The following FOCAD variants were observed in gnomAD, a reference collection of about 807,000 sequenced individuals.
FOCAD encodes the protein focadhesin.
In FOCAD, 198 loss-of-function variants were observed where a neutral mutation model predicts 225.6. The observed-to-expected ratio is 0.88, with a 90% CI of 0.78 to 0.99. The LOEUF is 0.99. FOCAD is among the 50% of genes least tolerant of loss of function. FOCAD has a pLI of 0.00. For missense variants in FOCAD, 2,713 were observed against 2,123.6 expected (o/e 1.28, Z -5.46); for synonymous variants, 897 against 755.0 (o/e 1.19, Z -3.08).
At chr9:20,688,390 G>A (rs1347478369) in intron 1 of FOCAD, among the ~76,000 whole-genome samples, 1 of 152,178 alleles carries the variant, frequency 6.6e-6, no homozygotes, top group Non-Finnish European at 1.5e-5. Context: ...TACCTCCTAG[G>A]TTTATGACTT....
intron 5 of FOCAD, among the ~76,000 whole-genome samples, chr9:20,746,071 C>T (rs1828010821): frequency 6.6e-6 from 1 of 152,040 alleles, no homozygotes; most frequent in African/African-American, 2.4e-5. Context: ...TTAAGGCCAT[C>T]AAATAAAGAA....
chr9:20,851,372 C>A (rs773846269), intron 15 of FOCAD, among the ~76,000 whole-genome samples: 5 of 151,646 alleles, frequency 3.3e-5, no homozygotes, highest in African/African-American at 4.8e-5. Context: ...TGACTTTTAT[C>A]TTCATGCCTC....
chr9:20,966,478 T>G (rs1839265130), intron 35 of FOCAD, among the ~76,000 whole-genome samples: 1 of 152,152 alleles, frequency 6.6e-6, no homozygotes. Context: ...TTGTCTTTCA[T>G]TTACTTGATA....
At chr9:20,860,576 G>C (rs952769712) in intron 15 of FOCAD, among the ~76,000 whole-genome samples, 1 of 152,138 alleles carries the variant, frequency 6.6e-6, no homozygotes, top group Non-Finnish European at 1.5e-5. Flanking sequence ...TGTAGCCCAG[G>C]CTCGAGTGCA....
At chr9:20,928,048 G>C (rs1416213465) in intron 26 of FOCAD, among the ~76,000 whole-genome samples, 1 of 152,076 alleles carries the variant, frequency 6.6e-6, no homozygotes, top group Non-Finnish European at 1.5e-5. Context: ...CTTTCTGTCA[G>C]AAGTGTTCTT....
chr9:20,870,721 A>G (rs988518001), intron 18 of FOCAD, among the ~76,000 whole-genome samples: 2 of 152,292 alleles, frequency 1.3e-5, no homozygotes, highest in East Asian at 3.9e-4. Flanking sequence ...GTTTCTGCCC[A>G]TCTGTAGGCT....
At chr9:20,717,995 T>G in intron 3 of FOCAD, 127 bp downstream of exon 3, 1 of 636,868 alleles carries the variant, frequency 1.6e-6, no homozygotes, top group Non-Finnish European at 2.6e-6. Flanking sequence ...CTGTGAGAAC[T>G]TCATTGCCTT....
At chr9:20,665,895 A>G (rs1284805344) in intron 2 of FOCAD, among the ~76,000 whole-genome samples, 1 of 151,356 alleles carries the variant, frequency 6.6e-6, no homozygotes, top group East Asian at 1.9e-4. Context: ...TATATTTTAT[A>G]ATTATATATA....
rs545976303 is a variant in FOCAD, at chr9:20,986,266, ATTT to A, written c.4729-7_4729-5del. 1.3e-3 allele frequency: 910 copies of A among 706,362 alleles called. 3 individuals carry two copies. The highest frequency in any genetic ancestry group is 3.7e-3 in the Admixed American group (61 of 16,586). The allele number at this position is 706,362 out of a possible 1,614,324, so 43.8% of individuals were successfully genotyped here. A position where few individuals can be genotyped will look rare whatever the true frequency, so the allele number is the denominator to read the frequency against. ...CAGTTAATTTAATAGTAACTAAACA[ATTT>A]TTTTTTTTTTTTTTGCAGAGCAACA... On this transcript the variant is annotated intron_variant, in intron 39 of 43. Transcript: ENST00000338382.
At chr9:20,942,249 G>A (rs1836739554) in intron 28 of FOCAD, among the ~76,000 whole-genome samples, 1 of 152,184 alleles carries the variant, frequency 6.6e-6, no homozygotes, top group African/African-American at 2.4e-5. Context: ...TTAGGTAAAT[G>A]TGAACTAGAA....
intron 11 of FOCAD, among the ~76,000 whole-genome samples, chr9:20,798,224 T>G (rs1821358788): frequency 6.6e-6 from 1 of 152,208 alleles, no homozygotes; most frequent in African/African-American, 2.4e-5. Context: ...TTAAGCTTTT[T>G]GATGCGCTGC....
intron 10 of FOCAD, among the ~76,000 whole-genome samples, chr9:20,785,495 A>G (rs573115636): frequency 6.6e-6 from 1 of 152,140 alleles, no homozygotes; most frequent in Non-Finnish European, 1.5e-5. Flanking sequence ...TTCAAGTATA[A>G]TCATACAATA....
intron 15 of FOCAD, among the ~76,000 whole-genome samples, chr9:20,826,437 T>C (rs1009582191): frequency 6.6e-6 from 1 of 152,108 alleles, no homozygotes; most frequent in African/African-American, 2.4e-5. Context: ...CCTCAGTCTT[T>C]TGGCCACGGA....
At chr9:20,954,449 C>A (rs1196150100) in intron 35 of FOCAD, among the ~76,000 whole-genome samples, 1 of 151,996 alleles carries the variant, frequency 6.6e-6, no homozygotes, top group Non-Finnish European at 1.5e-5. Flanking sequence ...AAAGTAAAAA[C>A]TCTTAAGGTC....
intron 2 of FOCAD, among the ~76,000 whole-genome samples, chr9:20,668,244 G>C (rs1370573722): frequency 1.3e-5 from 2 of 151,892 alleles, no homozygotes; most frequent in Non-Finnish European, 2.9e-5. Context: ...AATCATAAGG[G>C]GGAAAATGAC....
intron 1 of FOCAD, among the ~76,000 whole-genome samples, chr9:20,702,708 A>C (rs1824059791): frequency 6.6e-6 from 1 of 152,216 alleles, no homozygotes; most frequent in South Asian, 2.1e-4. Context: ...ATACCACTGT[A>C]TAACCTCAGG....
intron 15 of FOCAD, among the ~76,000 whole-genome samples, chr9:20,829,270 T>C (rs1284345331): frequency 2.0e-5 from 3 of 152,134 alleles, no homozygotes; most frequent in African/African-American, 7.2e-5. Context: ...AAAGTGTTCC[T>C]ATTTCTCCAC....
intron 2 of FOCAD, among the ~76,000 whole-genome samples, chr9:20,661,474 A>G (rs1821721538): frequency 6.6e-6 from 1 of 152,002 alleles, no homozygotes; most frequent in Non-Finnish European, 1.5e-5. Flanking sequence ...AAAATGAGGG[A>G]ATTTAAATGG....
intron 2 of FOCAD, among the ~76,000 whole-genome samples, chr9:20,660,722 A>C (rs1415557032): frequency 6.6e-6 from 1 of 152,200 alleles, no homozygotes; most frequent in Non-Finnish European, 1.5e-5. Flanking sequence ...CTGGATGTGA[A>C]AAGTAGGAGA....
Sources: allele counts gnomAD v4.1 joint callset (sites outside exome capture counted in the v4.1 genomes callset), GRCh38; gene constraint gnomAD v4.1.1; transcripts MANE v1.5; gene names NCBI Gene and HGNC (gene_info 2026-07-23, HGNC 2026-07-21).